The following PPP1R12A variants were observed in gnomAD, a reference collection of about 807,000 sequenced individuals.
PPP1R12A encodes protein phosphatase 1 regulatory subunit 12A, also known as myosin binding subunit.
Under a neutral mutation model 139.6 loss-of-function variants are expected in PPP1R12A, and 19 were observed. The ratio of observed to expected loss-of-function variants is 0.14; its 90% confidence interval spans 0.09 to 0.20. The LOEUF is 0.20. PPP1R12A is among the 10% of genes least tolerant of loss of function. The pLI is 1.00. For missense variants in PPP1R12A, 925 were observed against 1,211.5 expected (o/e 0.76, Z 3.51); for synonymous variants, 427 against 420.6 (o/e 1.02, Z -0.19).
At chr12:79,828,549 C>G in intron 4 of PPP1R12A, 85 bp from the exon 5 acceptor site, 1 of 1,034,172 alleles carries the variant, frequency 9.7e-7, no homozygotes, top group Non-Finnish European at 1.3e-6. Flanking sequence ...TGCAATTTAA[C>G]TACAATTTTC....
chr12:79,890,910 C>CACACAT (rs1884564214), intron 1 of PPP1R12A, among the ~76,000 whole-genome samples: 2 of 140,290 alleles, frequency 1.4e-5, no homozygotes, highest in African/African-American at 5.8e-5. Context: ...CCCACCCACA[C>CACACAT]ACACACACAC....
intron 1 of PPP1R12A, among the ~76,000 whole-genome samples, chr12:79,906,776 T>C (rs1274782257): frequency 6.6e-6 from 1 of 152,162 alleles, no homozygotes; most frequent in Non-Finnish European, 1.5e-5. Context: ...CCCAAGTAGC[T>C]GGGACTACAG....
rs191799804 is a variant in PPP1R12A at position 79,830,420 on chromosome 12, A to C, written c.647+1912T>G. On this transcript the variant is annotated intron_variant, in intron 4 of 24. Coordinates refer to ENST00000450142, the MANE Select transcript of PPP1R12A (RefSeq NM_002480.3). ...AAAGCATATACCATAATTTATTAAA[A>C]CATTCTCTTATTCCTATTATAAACA... Among the ~76,000 whole-genome samples the C allele has an allele frequency of 5.4e-3, 825 of 152,282 alleles. 5 individuals are homozygous for C. The highest frequency in any genetic ancestry group is 0.019 in the African/African-American group (784 of 41,568).
At chr12:79,929,783 A>T (rs909458059) in intron 1 of PPP1R12A, among the ~76,000 whole-genome samples, 1 of 151,912 alleles carries the variant, frequency 6.6e-6, no homozygotes, top group Non-Finnish European at 1.5e-5. Context: ...AAAAAAAAAG[A>T]TTTTTTTAAA....
intron 3 of PPP1R12A, among the ~76,000 whole-genome samples, chr12:79,834,431 A>C (rs989661784): frequency 6.6e-6 from 1 of 152,172 alleles, no homozygotes; most frequent in African/African-American, 2.4e-5. Context: ...TGAGATACCC[A>C]CTTGGAGGCT....
At chr12:79,814,274 G>A (rs1436595800) in intron 9 of PPP1R12A, among the ~76,000 whole-genome samples, 1 of 151,106 alleles carries the variant, frequency 6.6e-6, no homozygotes, top group Non-Finnish European at 1.5e-5. Context: ...TCAGGAGATC[G>A]AGACCATCCT....
intron 14 of PPP1R12A, among the ~76,000 whole-genome samples, chr12:79,801,835 G>A (rs1873219803): frequency 6.6e-6 from 1 of 152,078 alleles, no homozygotes; most frequent in South Asian, 2.1e-4. Context: ...TCTTCTTGCT[G>A]TTTCCACATA....
At chr12:79,846,391 C>A (rs1322983327) in intron 2 of PPP1R12A, among the ~76,000 whole-genome samples, 1 of 151,974 alleles carries the variant, frequency 6.6e-6, no homozygotes, top group African/African-American at 2.4e-5. Context: ...ATCTACTGAA[C>A]GATGTAACTA....
intron 24 of PPP1R12A, chr12:79,777,015 T>C: frequency 3.0e-6 from 1 of 335,240 alleles, no homozygotes; most frequent in African/African-American, 2.2e-5. Context: ...TCAGAATCTT[T>C]AAGATATAAA....
intron 2 of PPP1R12A, among the ~76,000 whole-genome samples, chr12:79,854,213 G>A (rs1880367372): frequency 6.6e-6 from 1 of 152,146 alleles, no homozygotes; most frequent in Non-Finnish European, 1.5e-5. Flanking sequence ...GATACTGTGT[G>A]TGTGTGGCGG....
chr12:79,804,038 G>C (rs1228768567), intron 14 of PPP1R12A, among the ~76,000 whole-genome samples: 2 of 152,014 alleles, frequency 1.3e-5, no homozygotes, highest in Non-Finnish European at 2.9e-5. Flanking sequence ...AAAGATTCTA[G>C]AAGTTAAAAA....
chr12:79,817,524 A>G lies in PPP1R12A; in HGVS notation c.1115-6T>C, dbSNP rs1220645633. On this transcript the variant is annotated splice_region_variant and splice_polypyrimidine_tract_variant and intron_variant, in intron 8 of 24. Coordinates refer to ENST00000450142, the MANE Select transcript of PPP1R12A (RefSeq NM_002480.3). ...AGCCAGGGGTTTTGTCTTATCTATT[A>G]AAGACAAACAATTAAGAGTCAAGAT... is the stretch of plus-strand genomic sequence containing the variant. 1 of 1,571,376 alleles carries G rather than the reference A, an allele frequency of 6.4e-7. No homozygotes were observed. The highest frequency in any genetic ancestry group is 2.3e-5 in the East Asian group (1 of 43,448).
chr12:79,843,592 A>G (rs1879008598), intron 3 of PPP1R12A, among the ~76,000 whole-genome samples: 1 of 151,012 alleles, frequency 6.6e-6, no homozygotes, highest in South Asian at 2.1e-4. Context: ...TGACAGAGCA[A>G]GACTCTGTCT....
Position 79,781,813 on chromosome 12 carries a change from AC to A in PPP1R12A, c.2955+1del. On this transcript the variant is annotated splice_donor_variant, in intron 23 of 24. Coordinates refer to ENST00000450142, the MANE Select transcript of PPP1R12A (RefSeq NM_002480.3). LOFTEE classifies it high-confidence loss of function. ...TAATTATTTAATAAGTGGGACACTT[AC>A]CCTTTTTTCCATTTCCAACAGTGAT... 6.6e-7 allele frequency: 1 copy of A among 1,513,946 alleles called. No individual in the cohort carries two copies. Among genetic ancestry groups the A allele is most frequent in the Non-Finnish European group, 8.9e-7 (1 of 1,118,660 alleles). 93.8% of individuals were successfully genotyped at this position (1,513,946 alleles called of 1,614,324 possible). A position where few individuals can be genotyped will look rare whatever the true frequency, so the allele number is the denominator to read the frequency against.
At chr12:79,905,836 T>C (rs184856575) in intron 1 of PPP1R12A, among the ~76,000 whole-genome samples, 4 of 152,302 alleles carry the variant, frequency 2.6e-5, no homozygotes, top group Admixed American at 2.6e-4. Context: ...AAACTGTCCA[T>C]AGCTGTAATA....
chr12:79,794,004 T>C, intron 18 of PPP1R12A, 76 bp from the exon 19 acceptor site: 2 of 1,067,360 alleles, frequency 1.9e-6, no homozygotes, highest in Non-Finnish European at 2.7e-6. Context: ...AAATTATTTT[T>C]GGGAGTCCTT....
chr12:79,794,622 T>C (rs1296232374), intron 18 of PPP1R12A, among the ~76,000 whole-genome samples: 8 of 151,822 alleles, frequency 5.3e-5, no homozygotes, highest in African/African-American at 1.7e-4. Flanking sequence ...AAAAGATATA[T>C]TATACAAAGA....
chr12:79,788,896 CCTCT>C, intron 20 of PPP1R12A, 113 bp from the exon 21 acceptor site: 1 of 858,112 alleles, frequency 1.2e-6, no homozygotes, highest in Non-Finnish European at 1.7e-6. Context: ...TCACAGTCTC[CCTCT>C]GTTATCTGAT....
intron 19 of PPP1R12A, 40 bp from the exon 20 acceptor site, chr12:79,790,523 A>C: frequency 1.5e-6 from 2 of 1,336,060 alleles, no homozygotes; most frequent in Non-Finnish European, 2.0e-6. Context: ...CTAAATTTTT[A>C]TGCTTTCATT....
Sources: allele counts gnomAD v4.1 joint callset (sites outside exome capture counted in the v4.1 genomes callset), GRCh38; gene constraint gnomAD v4.1.1; transcripts MANE v1.5; gene names NCBI Gene and HGNC (gene_info 2026-07-23, HGNC 2026-07-21).